The following LNPK variants were observed in gnomAD, a reference collection of about 807,000 sequenced individuals.
The protein encoded by LNPK is endoplasmic reticulum junction formation protein lunapark.
A neutral mutation model predicts 55.2 loss-of-function variants in LNPK; 29 were observed. That is an observed-to-expected ratio of 0.53 (90% CI 0.39 to 0.72). The LOEUF is 0.72. Ranked by LOEUF, LNPK falls within the 30% of genes least tolerant of loss-of-function variation. LNPK has a pLI of 0.00. For missense variants in LNPK, 467 were observed against 494.8 expected (o/e 0.94, Z 0.53); for synonymous variants, 162 against 168.2 (o/e 0.96, Z 0.29).
chr2:175,966,685 T>C (rs1686371803), intron 6 of LNPK, among the ~76,000 whole-genome samples: 1 of 152,170 alleles, frequency 6.6e-6, no homozygotes, highest in South Asian at 2.1e-4. Flanking sequence ...TTAACACACA[T>C]CCATACAACA....
intron 5 of LNPK, among the ~76,000 whole-genome samples, chr2:175,975,010 A>ATTTTTTTTTTTTT (rs56951449): frequency 7.1e-6 from 1 of 141,586 alleles, no homozygotes; most frequent in Non-Finnish European, 1.5e-5. Context: ...AAGGTTTCTT[A>ATTTTTTTTTTTTT]TTTTTTTTTT....
chr2:175,964,316 C>T (rs1686218260), intron 8 of LNPK, 56 bp downstream of exon 8: 1 of 1,443,012 alleles, frequency 6.9e-7, no homozygotes, highest in Non-Finnish European at 9.7e-7. Flanking sequence ...TTTGAACTCA[C>T]TTGGGTAATT....
chr2:175,993,514 C>G (rs952484847), intron 2 of LNPK, among the ~76,000 whole-genome samples: 1 of 152,146 alleles, frequency 6.6e-6, no homozygotes, highest in African/African-American at 2.4e-5. Context: ...ACACACCGTT[C>G]TAGAAAGAAA....
intron 8 of LNPK, among the ~76,000 whole-genome samples, chr2:175,963,538 C>T (rs1686174981): frequency 6.6e-6 from 1 of 152,046 alleles, no homozygotes; most frequent in Admixed American, 6.6e-5. Context: ...AGGAACATCA[C>T]ACTCTGGGGA....
chr2:175,938,212 C>T (rs1055658699), intron 11 of LNPK, 101 bp downstream of exon 11: 2 of 723,868 alleles, frequency 2.8e-6, no homozygotes, highest in Admixed American at 2.2e-5. Context: ...CCAATGTATA[C>T]AAAGAGAGTA....
In LNPK at chr2:175,964,484, AG is replaced by A. The variant is rs1298134364; in HGVS notation, c.441+21del. The A allele has an allele frequency of 1.9e-6, 3 of 1,584,394 alleles. No individual in the cohort carries two copies. The South Asian group carries it at 3.3e-5, about 18-fold the overall frequency. ...TACAATGTGTAATTTATAATAAAAT[AG>A]TAGTGATATCACAGTCTTACCTTTG... On this transcript the variant is annotated intron_variant, in intron 7 of 12. Coordinates refer to ENST00000272748, the MANE Select transcript of LNPK (RefSeq NM_030650.3).
intron 9 of LNPK, among the ~76,000 whole-genome samples, chr2:175,940,432 G>C (rs1374162912): frequency 6.6e-6 from 1 of 151,998 alleles, no homozygotes; most frequent in Admixed American, 6.6e-5. Flanking sequence ...TCTGAGGATG[G>C]AGGAAAAAAA....
chr2:175,949,148 C>G (rs899401659), intron 8 of LNPK, among the ~76,000 whole-genome samples: 1 of 152,002 alleles, frequency 6.6e-6, no homozygotes, highest in African/African-American at 2.4e-5. Flanking sequence ...TTAACCAAGC[C>G]ATGGCAATAA....
In LNPK at chr2:175,926,704, A is replaced by G. The variant is rs1684022386; in HGVS notation, c.*3263T>C. 2.0e-5 allele frequency: 3 copies of G among 152,358 alleles called. No homozygotes were observed. The South Asian group carries it at 6.2e-4, about 32-fold the overall frequency. The allele number at this position is 152,358 out of a possible 1,614,324, so 9.4% of individuals were successfully genotyped here. On this transcript the variant is annotated 3_prime_UTR_variant, in exon 13 of 13. Coordinates refer to ENST00000272748, the MANE Select transcript of LNPK (RefSeq NM_030650.3). ...AATAAGAATGCAAATGTTTATCATC[A>G]TTATTAATGCAATGTGAACAGAGAA... is the stretch of plus-strand genomic sequence containing the variant.
intron 8 of LNPK, 36 bp from the exon 9 acceptor site, chr2:175,947,728 A>G: frequency 7.0e-7 from 1 of 1,437,374 alleles, no homozygotes; most frequent in Non-Finnish European, 9.5e-7. Context: ...CTTAATTTCC[A>G]ATATACCATA....
intron 5 of LNPK, among the ~76,000 whole-genome samples, chr2:175,979,323 C>T (rs1687059483): frequency 6.6e-6 from 1 of 152,102 alleles, no homozygotes; most frequent in Middle Eastern, 3.2e-3. Context: ...CTTTGGGAGG[C>T]AGAGGCAGGC....
At chr2:175,947,370 CT>C in intron 9 of LNPK, 109 bp downstream of exon 9, 1 of 830,876 alleles carries the variant, frequency 1.2e-6, no homozygotes, top group Admixed American at 2.4e-5. Context: ...GATAACTGCT[CT>C]GCTATTTCCA....
At chr2:175,944,868 T>C (rs1685042424) in intron 9 of LNPK, among the ~76,000 whole-genome samples, 1 of 152,036 alleles carries the variant, frequency 6.6e-6, no homozygotes, top group South Asian at 2.1e-4. Context: ...ATGTCAAAAT[T>C]ATAGCTATTA....
chr2:175,976,082 G>A (rs1424392455), intron 5 of LNPK, among the ~76,000 whole-genome samples: 1 of 152,216 alleles, frequency 6.6e-6, no homozygotes, highest in African/African-American at 2.4e-5. Flanking sequence ...AAGATGGCCA[G>A]TGTGGCTGGA....
At chr2:175,945,963 T>C (rs1165679951) in intron 9 of LNPK, among the ~76,000 whole-genome samples, 4 of 152,204 alleles carry the variant, frequency 2.6e-5, no homozygotes, top group Non-Finnish European at 5.9e-5. Context: ...ACACATTAAA[T>C]TGATTCTCTT....
chr2:175,995,299 CAAATACAG>C (rs1446494812), intron 2 of LNPK, among the ~76,000 whole-genome samples: 8 of 151,828 alleles, frequency 5.3e-5, no homozygotes, highest in Admixed American at 3.9e-4. Context: ...CATTTGCACA[CAAATACAG>C]AAATACAGAA....
Position 175,937,416 on chromosome 2 carries a change from C to T in LNPK, c.982G>A (p.Val328Met), listed in dbSNP as rs780565202. ...GGACCAACTGAACTTGAACCTTCCA[C>T]CACCTGCCTCTTCTCAAAACTAAAC... is the stretch of plus-strand genomic sequence containing the variant. ...PEFSFEKRQV[V>M]EGSSSVGPLP... Residue 328 changes from valine to methionine, a missense_variant, in exon 12 of 13, where the codon GTG (valine) becomes ATG (methionine). Val to Met is a conservative substitution (Grantham distance 21). Transcript: ENST00000272748. 4 of 1,613,846 alleles carry T rather than the reference C, an allele frequency of 2.5e-6. No homozygotes were observed. The highest frequency in any genetic ancestry group is 2.2e-5 in the East Asian group (1 of 44,858).
chr2:175,990,258 C>T (rs535979031), intron 4 of LNPK, among the ~76,000 whole-genome samples: 1 of 152,070 alleles, frequency 6.6e-6, no homozygotes, highest in African/African-American at 2.4e-5. Flanking sequence ...TGGGGCATGG[C>T]GAGAGTTTGC....
intron 9 of LNPK, among the ~76,000 whole-genome samples, chr2:175,941,267 A>ATTTATATT (rs1368328093): frequency 6.9e-6 from 1 of 144,084 alleles, no homozygotes; most frequent in Non-Finnish European, 1.5e-5. Flanking sequence ...AAGCAGCCTA[A>ATTTATATT]TATATTTATA....
Sources: allele counts gnomAD v4.1 joint callset (sites outside exome capture counted in the v4.1 genomes callset), GRCh38; gene constraint gnomAD v4.1.1; transcripts MANE v1.5; gene names NCBI Gene and HGNC (gene_info 2026-07-23, HGNC 2026-07-21).